The following CIT variants were observed in gnomAD, a reference collection of about 807,000 sequenced individuals.
The protein encoded by CIT is citron Rho-interacting kinase.
Under a neutral mutation model 272.7 loss-of-function variants are expected in CIT, and 79 were observed. The observed-to-expected ratio is 0.29, with a 90% confidence interval of 0.24 to 0.35. CIT has a LOEUF of 0.35. CIT is among the 10% of genes least tolerant of loss of function. CIT has a pLI of 1.00. For missense variants in CIT, 1,909 were observed against 2,618.3 expected (o/e 0.73, Z 5.91); for synonymous variants, 948 against 995.6 (o/e 0.95, Z 0.90).
At chr12:119,814,793 T>A (rs565163181) in intron 9 of CIT, among the ~76,000 whole-genome samples, 1 of 151,996 alleles carries the variant, frequency 6.6e-6, no homozygotes, top group South Asian at 2.1e-4. Flanking sequence ...TCCCAGCACT[T>A]TGGGAGGCCG....
In CIT at chr12:119,694,688, C is replaced by G. The variant is rs1473231237; in HGVS notation, c.5882+2971G>C. On this transcript the variant is annotated intron_variant, in intron 46 of 47. Transcript: ENST00000392521. This position sits in a 1 kb window ranked among gnomAD's most constrained non-coding sequence, Gnocchi z 4.5. ...GTGTGGTGGCGGGCGCCTGTAGTCCCAGCTACTCGGGGGGAGGCTGAAGTC... is the reference window on the plus strand; with the variant it reads ...GTGTGGTGGCGGGCGCCTGTAGTCCGAGCTACTCGGGGGGAGGCTGAAGTC... 6.6e-6 allele frequency among the ~76,000 whole-genome samples: 1 copy of G among 151,942 alleles called. No homozygotes were observed. The highest frequency in any genetic ancestry group is 2.4e-5 in the African/African-American group (1 of 41,334).
intron 24 of CIT, among the ~76,000 whole-genome samples, chr12:119,736,865 T>G (rs1392199618): frequency 2.0e-5 from 3 of 152,170 alleles, no homozygotes; most frequent in African/African-American, 7.2e-5. Flanking sequence ...ATTTAACTAC[T>G]AATTCCTCCC....
intron 22 of CIT, among the ~76,000 whole-genome samples, chr12:119,754,075 T>C (rs1265475869): frequency 6.6e-6 from 1 of 152,170 alleles, no homozygotes; most frequent in African/African-American, 2.4e-5. Flanking sequence ...ATGACGACGA[T>C]GTCACAGCAG....
chr12:119,766,541 A>G (rs1003846742), intron 19 of CIT, among the ~76,000 whole-genome samples: 1 of 152,254 alleles, frequency 6.6e-6, no homozygotes, highest in Non-Finnish European at 1.5e-5. Flanking sequence ...AAAAAATAGA[A>G]TGAACAAGAC....
chr12:119,760,330 G>A (rs1194424422), intron 20 of CIT, among the ~76,000 whole-genome samples: 1 of 152,016 alleles, frequency 6.6e-6, no homozygotes, highest in Non-Finnish European at 1.5e-5. Context: ...AAACAGGCAA[G>A]TAAAAAGAAG....
intron 5 of CIT, among the ~76,000 whole-genome samples, 183 bp from the exon 6 acceptor site, chr12:119,834,411 T>TACC (rs2138133059): frequency 6.6e-6 from 1 of 152,318 alleles, no homozygotes; most frequent in African/African-American, 2.4e-5. Flanking sequence ...TTACATCTGT[T>TACC]ACCCAGGGGA....
intron 26 of CIT, among the ~76,000 whole-genome samples, chr12:119,733,201 C>G (rs1689016133): frequency 6.6e-6 from 1 of 151,326 alleles, no homozygotes; most frequent in South Asian, 2.1e-4. Flanking sequence ...ACTGCCTGAA[C>G]TGATTATTAT....
At chr12:119,782,267 A>T in intron 13 of CIT, 1 of 308,664 alleles carries the variant, frequency 3.2e-6, no homozygotes, top group Non-Finnish European at 6.0e-6. Flanking sequence ...CTAAACCTAC[A>T]TCTTTATTTT....
intron 5 of CIT, among the ~76,000 whole-genome samples, chr12:119,846,198 C>T (rs1026788117): frequency 1.3e-5 from 2 of 152,072 alleles, no homozygotes; most frequent in Admixed American, 1.3e-4. Context: ...CCTCACTGGC[C>T]ACAGGGGAGG....
intron 9 of CIT, among the ~76,000 whole-genome samples, chr12:119,806,971 G>A (rs1254871550): frequency 2.0e-5 from 3 of 152,156 alleles, no homozygotes; most frequent in Non-Finnish European, 4.4e-5. Flanking sequence ...TACAGCTGAA[G>A]AGAAACTTAG....
chr12:119,697,722 C>T lies in CIT; in HGVS notation c.5819G>A (p.Cys1940Tyr). ...GGACTCCTTCACGAGGTTTCCCTTG[C>T]AGCAAATGACCCTTAATTTATCCTG... ...SYQDKLRVIC[C>Y]KGNLVKESGT... Residue 1940 changes from cysteine to tyrosine, a missense_variant, in exon 46 of 48, where the codon TGC becomes TAC. Physicochemically the swap from Cys to Tyr is radical, Grantham distance 194 (BLOSUM62 -2). Transcript: ENST00000392521. This position sits in a 1 kb window ranked among gnomAD's most constrained non-coding sequence, Gnocchi z 4.9. 1.9e-6 allele frequency: 3 copies of T among 1,614,204 alleles called. No homozygotes were observed. Among genetic ancestry groups the T allele is most frequent in the Non-Finnish European group, 2.5e-6 (3 of 1,180,036 alleles).
At chr12:119,748,304 ATACT>A (rs1415065297) in intron 23 of CIT, among the ~76,000 whole-genome samples, 2 of 152,252 alleles carry the variant, frequency 1.3e-5, no homozygotes, top group African/African-American at 4.8e-5. Context: ...GACCAGAGAG[ATACT>A]TTCTTTTGGA....
At chr12:119,692,107 T>G (rs114037935) in intron 46 of CIT, among the ~76,000 whole-genome samples, 3 of 152,182 alleles carry the variant, frequency 2.0e-5, no homozygotes, top group Non-Finnish European at 4.4e-5. Flanking sequence ...GACACCAACG[T>G]TGGACACATT....
chr12:119,691,995 A>G (rs1448850027), intron 46 of CIT, among the ~76,000 whole-genome samples: 7 of 152,228 alleles, frequency 4.6e-5, no homozygotes, highest in African/African-American at 1.2e-4. Context: ...TATTTAAATT[A>G]CAATGCAATT....
At chr12:119,736,488 C>T (rs1221103754) in intron 24 of CIT, among the ~76,000 whole-genome samples, 1 of 152,204 alleles carries the variant, frequency 6.6e-6, no homozygotes, top group African/African-American at 2.4e-5. Flanking sequence ...ATTTTGTTAA[C>T]TGAGCTGATA....
chr12:119,757,537 T>A lies in CIT; in HGVS notation c.2540A>T (p.Gln847Leu). ...CCTGAGTTCAGAAATCATCTCTTCT[T>A]GGGCCTTCCTGGTGGGGGTGGTGGG... is the stretch of plus-strand genomic sequence containing the variant. ...SLFTQRNMKA[Q>L]EEMISELRQQ... Residue 847 changes from glutamine (Q) to leucine (L), a missense_variant, in exon 22 of 48, where the codon CAA becomes CTA. Gln to Leu is a moderately radical substitution (Grantham distance 113). Coordinates refer to ENST00000392521, the MANE Select transcript of CIT (RefSeq NM_001206999.2). 4 of 1,605,348 alleles carry A rather than the reference T, an allele frequency of 2.5e-6. No homozygotes were observed. Among genetic ancestry groups the A allele is most frequent in the Non-Finnish European group, 3.4e-6 (4 of 1,175,298 alleles).
intron 47 of CIT, among the ~76,000 whole-genome samples, chr12:119,689,061 C>T (rs1390267985): frequency 2.0e-5 from 3 of 151,916 alleles, no homozygotes; most frequent in East Asian, 1.9e-4. Context: ...AGCCTGTAGT[C>T]GCAGCTATTC....
chr12:119,772,203 A>G (rs1963237352), intron 17 of CIT, among the ~76,000 whole-genome samples: 3 of 152,160 alleles, frequency 2.0e-5, no homozygotes, highest in African/African-American at 7.2e-5. Flanking sequence ...GATACGAGTA[A>G]AGGAGAAGAA....
At chr12:119,758,472 C>T (rs778808798) in intron 21 of CIT, 119 bp downstream of exon 21, 60 of 702,676 alleles carry the variant, frequency 8.5e-5, no homozygotes, top group Non-Finnish European at 1.4e-4. Context: ...GAGGGCTGGG[C>T]TGAGCTACAG....
Sources: gnomAD v4.1 joint callset for allele counts (sites outside exome capture counted in the v4.1 genomes callset) on GRCh38, gnomAD v4.1.1 for gene constraint, Gnocchi (gnomAD v3.1) non-coding constraint, MANE v1.5 for transcripts, NCBI Gene and HGNC (gene_info 2026-07-23, HGNC 2026-07-21) for gene names.